Variants in INPP5A observed in about 807,000 individuals in gnomAD.
INPP5A encodes 43 kDa inositol polyphosphate 5-phophatase.
Under a neutral mutation model 65.2 loss-of-function variants are expected in INPP5A, and 14 were observed. That is an observed-to-expected ratio of 0.21 (90% confidence interval 0.14 to 0.34). The LOEUF (loss-of-function observed/expected upper bound fraction) is 0.34, where lower values mean the gene tolerates loss of function less well. INPP5A is among the 10% of genes least tolerant of loss of function. The probability of loss-of-function intolerance (pLI) is 1.00; values close to 1 mark genes in which losing one functional copy is unlikely to be tolerated. For missense variants in INPP5A, 431 were observed against 545.6 expected, an observed-to-expected ratio of 0.79 and a Z score of 2.09; for synonymous variants, 207 against 208.3, an observed-to-expected ratio of 0.99 and a Z score of 0.05.
chr10:132,580,038 C>T (rs945401073), intron 1 of INPP5A, among the ~76,000 whole-genome samples: 1 of 151,544 alleles, frequency 6.6e-6, no homozygotes, highest in Non-Finnish European at 1.5e-5. Context: ...CTGGCAGGGG[C>T]TTTGCTGGCA....
intron 1 of INPP5A, among the ~76,000 whole-genome samples, chr10:132,561,722 C>CCACACACACACA (rs35335535): frequency 2.6e-4 from 37 of 142,414 alleles, no homozygotes; most frequent in Admixed American, 3.5e-4. Flanking sequence ...TTGTCAATTT[C>CCACACACACACA]CACACACACA....
intron 4 of INPP5A, among the ~76,000 whole-genome samples, chr10:132,673,133 G>A (rs1425573905): frequency 1.3e-5 from 2 of 152,206 alleles, no homozygotes; most frequent in African/African-American, 2.4e-5. Context: ...CACCCCAACA[G>A]TGTAACTCCT....
chr10:132,777,871 G>T, intron 13 of INPP5A, 89 bp downstream of exon 13: 1 of 1,553,090 alleles, frequency 6.4e-7, no homozygotes, highest in South Asian at 1.2e-5. Context: ...GGCCCCAGGG[G>T]TGGGGGCACC....
At chr10:132,590,290 G>C (rs2071603669) in intron 1 of INPP5A, among the ~76,000 whole-genome samples, 1 of 151,856 alleles carries the variant, frequency 6.6e-6, no homozygotes, top group Non-Finnish European at 1.5e-5. Context: ...CGTCCTGTGT[G>C]GGGACTGACA....
intron 12 of INPP5A, among the ~76,000 whole-genome samples, chr10:132,773,566 G>T (rs755785483): frequency 2.6e-5 from 4 of 152,216 alleles, no homozygotes; most frequent in Admixed American, 6.5e-5. Flanking sequence ...CTAGCAAAAT[G>T]AACTCTACTG....
chr10:132,632,566 C>G (rs1176303937), intron 2 of INPP5A, among the ~76,000 whole-genome samples: 1 of 152,220 alleles, frequency 6.6e-6, no homozygotes, highest in African/African-American at 2.4e-5. Context: ...GGAGCCCGTG[C>G]CCGGTGTGCT....
At position 132,741,968 on chromosome 10, in the gene INPP5A, G is replaced by A. The variant is rs1846281141; in HGVS notation, c.733-7549G>A. On this transcript the variant is annotated intron_variant, in intron 9 of 15. Coordinates refer to ENST00000368594, the MANE Select transcript of INPP5A (RefSeq NM_005539.5). This position sits in a 1 kb window ranked among gnomAD's most constrained non-coding sequence, Gnocchi z 4.4. ...AGAGAAGGCGCTCACTCCTGAGGGA[G>A]AGCAAAGGCCAGGTCAGAGCTGTGT... 6.6e-6 allele frequency among the ~76,000 whole-genome samples: 1 copy of A among 152,236 alleles called. No homozygotes were observed. Among genetic ancestry groups the A allele is most frequent in the African/African-American group, 2.4e-5 (1 of 41,464 alleles).
At chr10:132,569,726 A>T (rs1417623350) in intron 1 of INPP5A, among the ~76,000 whole-genome samples, 1 of 150,778 alleles carries the variant, frequency 6.6e-6, no homozygotes, top group African/African-American at 2.5e-5. Context: ...CTGGTCTCGA[A>T]CTCCTGACCT....
At chr10:132,712,737 T>C (rs1175732598) in intron 8 of INPP5A, among the ~76,000 whole-genome samples, 1 of 149,156 alleles carries the variant, frequency 6.7e-6, no homozygotes. Context: ...CATGTGTAGG[T>C]GTGTGTGTAG....
rs1158755195 is a variant in INPP5A, at chr10:132,549,489, G to A, written c.75+11318G>A. Among the ~76,000 whole-genome samples, 1 of 152,258 alleles carries A rather than the reference G, an allele frequency of 6.6e-6. No individual in the cohort carries two copies. Among genetic ancestry groups the A allele is most frequent in the Non-Finnish European group, 1.5e-5 (1 of 68,042 alleles). On this transcript the variant is annotated intron_variant, in intron 1 of 15. Coordinates refer to ENST00000368594, the MANE Select transcript of INPP5A (RefSeq NM_005539.5). The surrounding 1 kb of genome is among the most constrained non-coding windows in gnomAD (Gnocchi z 4.9). ...CCCACAAGGATGGTTATCTTGCCGT[G>A]TTGGTAATGGCTTTGACAGCTGGAT...
intron 8 of INPP5A, among the ~76,000 whole-genome samples, chr10:132,718,086 C>A (rs1326775571): frequency 6.7e-6 from 1 of 149,362 alleles, no homozygotes; most frequent in Non-Finnish European, 1.5e-5. Flanking sequence ...GTCTGGGTGC[C>A]TTAGACGGCC....
intron 1 of INPP5A, among the ~76,000 whole-genome samples, chr10:132,589,946 C>T (rs560432329): frequency 3.9e-4 from 60 of 152,352 alleles, no homozygotes; most frequent in African/African-American, 1.4e-3. Flanking sequence ...TGGAGCAGGG[C>T]GTGGTGGGAG....
intron 4 of INPP5A, among the ~76,000 whole-genome samples, chr10:132,671,820 A>T (rs1196854955): frequency 6.6e-6 from 1 of 152,172 alleles, no homozygotes; most frequent in Non-Finnish European, 1.5e-5. Context: ...AGGTTCAGGG[A>T]CCAACCAGAA....
At chr10:132,579,952 A>G (rs570644498) in intron 1 of INPP5A, among the ~76,000 whole-genome samples, 320 of 139,532 alleles carry the variant, frequency 2.3e-3, no homozygotes, top group Non-Finnish European at 3.1e-3. Context: ...GAGTCTTGCT[A>G]TCTTGCCTAG....
At chr10:132,720,045 G>C (rs1365523285) in intron 8 of INPP5A, among the ~76,000 whole-genome samples, 31 of 140,906 alleles carry the variant, frequency 2.2e-4, no homozygotes, top group East Asian at 6.5e-4. Flanking sequence ...CGGCTGTCTT[G>C]TGGGTTCTGT....
At chr10:132,703,377 G>T (rs1483738021) in intron 6 of INPP5A, among the ~76,000 whole-genome samples, 2 of 152,000 alleles carry the variant, frequency 1.3e-5, no homozygotes, top group African/African-American at 4.8e-5. Flanking sequence ...GTTGGTTTCT[G>T]GGGAACTGGC....
intron 2 of INPP5A, among the ~76,000 whole-genome samples, chr10:132,630,189 G>T (rs964871058): frequency 6.6e-6 from 1 of 152,148 alleles, no homozygotes; most frequent in Non-Finnish European, 1.5e-5. Flanking sequence ...TGAGGGTAAG[G>T]TGTCCATGAG....
chr10:132,597,507 T>C (rs2071718473), intron 1 of INPP5A, among the ~76,000 whole-genome samples: 1 of 152,236 alleles, frequency 6.6e-6, no homozygotes, highest in South Asian at 2.1e-4. Context: ...GTTATTTCAG[T>C]TGTGAATTTT....
chr10:132,711,701 C>T (rs12248397), intron 8 of INPP5A, among the ~76,000 whole-genome samples: 3,768 of 152,346 alleles, frequency 0.025, 145 homozygotes, highest in African/African-American at 0.085. Context: ...ACCTTCTGTT[C>T]CCGGGGCCGG....
Sources: gnomAD v4.1 joint callset for allele counts (sites outside exome capture counted in the v4.1 genomes callset) on GRCh38, gnomAD v4.1.1 for gene constraint, Gnocchi (gnomAD v3.1) non-coding constraint, MANE v1.5 for transcripts, NCBI Gene and HGNC (gene_info 2026-07-23, HGNC 2026-07-21) for gene names.